The following RP1 variants were observed in gnomAD, a reference collection of about 807,000 sequenced individuals.
RP1 encodes oxygen-regulated protein 1.
Under a neutral mutation model 14.8 loss-of-function variants are expected in RP1, and 16 were observed. That is an observed-to-expected ratio of 1.08 (90% confidence interval 0.73 to 1.65). RP1 has a LOEUF of 1.65. Among genes scored for constraint, RP1 ranks in the 40% most tolerant of loss-of-function variants. RP1 has a pLI of 0.00. For synonymous variants in RP1, 876 were observed against 883.6 expected (o/e 0.99, Z 0.15); for missense variants, 2,631 against 2,535.0 (o/e 1.04, Z -0.81).
chr8:54,797,895 A>G (rs1450470837), intron 24 of RP1, among the ~76,000 whole-genome samples: 1 of 70,664 alleles, frequency 1.4e-5, no homozygotes, highest in African/African-American at 7.8e-5. Context: ...TTTTTTTTTT[A>G]ACCATAAGCC....
intron 18 of RP1, among the ~76,000 whole-genome samples, chr8:54,735,987 A>ATGCC (rs1046073039): frequency 6.6e-6 from 1 of 152,164 alleles, no homozygotes; most frequent in Non-Finnish European, 1.5e-5. Flanking sequence ...AAAACTACTG[A>ATGCC]TGCCTGATTC....
At chr8:54,678,615 A>G in intron 9 of RP1, 1 of 1,182,826 alleles carries the variant, frequency 8.5e-7, no homozygotes, top group Non-Finnish European at 1.2e-6. Context: ...TGGGTAACTT[A>G]TTTAGTTGTT....
intron 7 of RP1, among the ~76,000 whole-genome samples, chr8:54,666,508 T>G (rs967817640): frequency 2.0e-5 from 3 of 152,004 alleles, no homozygotes; most frequent in Non-Finnish European, 4.4e-5. Flanking sequence ...GTTGGGATGC[T>G]CAGTGTGTGG....
chr8:54,562,424 ACGCCTGTAAT>A (rs1475389500), intron 1 of RP1, among the ~76,000 whole-genome samples: 3 of 152,222 alleles, frequency 2.0e-5, no homozygotes, highest in Non-Finnish European at 2.9e-5. Flanking sequence ...GTGGTGGCTC[ACGCCTGTAAT>A]CCCAGCACTT....
chr8:54,563,098 C>T (rs1804323284), intron 1 of RP1, among the ~76,000 whole-genome samples: 1 of 150,630 alleles, frequency 6.6e-6, no homozygotes, highest in Admixed American at 6.6e-5. Context: ...ATCAGCTCTT[C>T]AGAGAGAGAG....
In RP1 at chr8:54,679,717, T is replaced by A. The variant is rs550756841; in HGVS notation, c.1588-87T>A. ...TTAAAACAAAACAGCCTATAGAGTT[T>A]AGTAAGTGCTGTTTCTTAGCAATTT... On this transcript the variant is annotated intron_variant, in intron 11 of 22. Coordinates refer to the RP1 transcript ENST00000636932. 279 of 1,518,730 alleles carry A rather than the reference T, an allele frequency of 1.8e-4. 3 individuals carry two copies. The South Asian group carries it at 3.1e-3, about 17-fold the overall frequency. 94.1% of individuals were successfully genotyped at this position (1,518,730 alleles called of 1,614,324 possible). A position where few individuals can be genotyped will look rare whatever the true frequency, so the allele number is the denominator to read the frequency against.
chr8:54,766,619 A>G (rs2129372748), intron 22 of RP1, among the ~76,000 whole-genome samples: 1 of 152,340 alleles, frequency 6.6e-6, no homozygotes, highest in South Asian at 2.1e-4. Flanking sequence ...TGCCAAATAT[A>G]AAATATATCT....
At chr8:54,701,685 A>G (rs1281959246) in intron 14 of RP1, 7 of 1,529,102 alleles carry the variant, frequency 4.6e-6, no homozygotes, top group Non-Finnish European at 6.1e-6. Context: ...AAGTTATTAA[A>G]GTTTATATTG....
chr8:54,633,226 G>A (rs1039591385), downstream of RP1, among the ~76,000 whole-genome samples: 6 of 152,118 alleles, frequency 3.9e-5, no homozygotes, highest in African/African-American at 9.7e-5. Flanking sequence ...GCAAGGAGCA[G>A]AAGTTCAAAA....
At chr8:54,642,208 CA>C (rs1806465998) in intron 3 of RP1, among the ~76,000 whole-genome samples, 2 of 151,834 alleles carry the variant, frequency 1.3e-5, no homozygotes, top group African/African-American at 4.8e-5. Flanking sequence ...AAGGTGAAAA[CA>C]TTTTTTTTTG....
chr8:54,806,977 A>G (rs924513435), intron 24 of RP1, among the ~76,000 whole-genome samples: 2 of 152,244 alleles, frequency 1.3e-5, no homozygotes, highest in African/African-American at 4.8e-5. Flanking sequence ...CTAAAAGAAA[A>G]ATTGAACAAA....
intron 1 of RP1, among the ~76,000 whole-genome samples, chr8:54,608,116 C>T (rs1160693460): frequency 1.3e-5 from 2 of 151,924 alleles, no homozygotes; most frequent in African/African-American, 4.8e-5. Context: ...ATGCAGAAAT[C>T]ACCCATCTTC....
In RP1 at chr8:54,625,918, A is replaced by T; in HGVS notation, c.2036A>T (p.Gln679Leu). The change falls in exon 4 of 4, where the codon CAA (glutamine) becomes CTA (leucine). Residue 679 changes from glutamine to leucine, a missense_variant. Physicochemically the swap from Gln to Leu is moderately radical, Grantham distance 113 (BLOSUM62 -2). Transcript: ENST00000220676. ...ASKKKKKSRQ[Q>L]AINSRYQDGQ... ...AAAAAGAAGAAAAAATCTCGACAGC[A>T]AGCAATAAATTCCAGGTATCAAGAT... 1 of 1,613,976 alleles carries T rather than the reference A, an allele frequency of 6.2e-7. No homozygotes were observed. Among genetic ancestry groups the T allele is most frequent in the Non-Finnish European group, 8.5e-7 (1 of 1,179,948 alleles).
At chr8:54,592,315 C>A (rs949697639) in intron 1 of RP1, among the ~76,000 whole-genome samples, 3 of 152,142 alleles carry the variant, frequency 2.0e-5, no homozygotes, top group Admixed American at 6.5e-5. Flanking sequence ...CTGTGGAATT[C>A]ATTTTCTGGT....
chr8:54,837,422 T>C, intron 24 of RP1: 4 of 1,070,638 alleles, frequency 3.7e-6, no homozygotes, highest in Non-Finnish European at 4.8e-6. Flanking sequence ...TAGGGAGTTT[T>C]AGTTCCCTTT....
chr8:54,659,008 G>A (rs1298799773), intron 6 of RP1, among the ~76,000 whole-genome samples: 1 of 151,650 alleles, frequency 6.6e-6, no homozygotes, highest in Admixed American at 6.6e-5. Context: ...TAGGCCATTT[G>A]TATATATTCT....
At chr8:54,578,807 C>G (rs1188776579) in intron 1 of RP1, among the ~76,000 whole-genome samples, 1 of 152,168 alleles carries the variant, frequency 6.6e-6, no homozygotes, top group Non-Finnish European at 1.5e-5. Flanking sequence ...TCTTCACAAG[C>G]ATGGTGTAAG....
chr8:54,582,906 G>A (rs1470919503), intron 1 of RP1, among the ~76,000 whole-genome samples: 1 of 152,154 alleles, frequency 6.6e-6, no homozygotes, highest in East Asian at 1.9e-4. Context: ...GGGGCTGAGA[G>A]GATGGGGTTT....
intron 15 of RP1, among the ~76,000 whole-genome samples, chr8:54,712,032 C>T (rs1285936129): frequency 1.3e-5 from 2 of 152,116 alleles, no homozygotes; most frequent in East Asian, 3.9e-4. Flanking sequence ...CCAGGTTTTT[C>T]TTGGAGTCAC....
Sources: gnomAD v4.1 joint callset for allele counts (sites outside exome capture counted in the v4.1 genomes callset) on GRCh38, gnomAD v4.1.1 for gene constraint, MANE v1.5 for transcripts, NCBI Gene and HGNC (gene_info 2026-07-23, HGNC 2026-07-21) for gene names.